The following WDFY4 variants were observed in gnomAD, a reference collection of about 807,000 sequenced individuals.
WDFY4 encodes WD repeat- and FYVE domain-containing protein 4.
A neutral mutation model predicts 351.9 loss-of-function variants in WDFY4; 169 were observed. The observed-to-expected ratio is 0.48, with a 90% CI of 0.42 to 0.55. The LOEUF is 0.55. Among genes scored for constraint, WDFY4 ranks in the 20% least tolerant of loss-of-function variants. WDFY4 has a pLI of 0.00. For missense variants in WDFY4, 3,803 were observed against 3,935.6 expected, an observed-to-expected ratio of 0.97 and a Z score of 0.90; for synonymous variants, 1,622 against 1,574.6, an observed-to-expected ratio of 1.03 and a Z score of -0.71.
At chr10:48,935,607 T>C (rs753039044) in intron 47 of WDFY4, among the ~76,000 whole-genome samples, 2 of 152,270 alleles carry the variant, frequency 1.3e-5, no homozygotes, top group African/African-American at 4.8e-5. Context: ...CTTTGGTTTT[T>C]GAGAGGGCTG....
Position 48,782,466 on chromosome 10 carries a change from A to G in WDFY4, c.3576+2347A>G, listed in dbSNP as rs1172464623. On this transcript the variant is annotated intron_variant, in intron 19 of 61. Coordinates refer to ENST00000325239, the MANE Select transcript of WDFY4 (RefSeq NM_001394531.1). ...TGCTAGTGTGGTTGGGTGAAGTGGT[A>G]CAGGCATTAACATCCTCCCTGCGGG... Among the ~76,000 whole-genome samples the G allele has an allele frequency of 2.0e-5, 3 of 152,216 alleles. No individual in the cohort carries two copies. The East Asian group carries it at 5.8e-4, about 29-fold the overall frequency.
intron 50 of WDFY4, among the ~76,000 whole-genome samples, 171 bp from the exon 51 acceptor site, chr10:48,946,689 C>T (rs1396117944): frequency 5.3e-5 from 8 of 152,232 alleles, no homozygotes; most frequent in South Asian, 4.1e-4. Context: ...GCCACATTCA[C>T]GTGCCGTCTG....
At chr10:48,907,905 G>C (rs1300385268) in intron 47 of WDFY4, among the ~76,000 whole-genome samples, 1 of 152,228 alleles carries the variant, frequency 6.6e-6, no homozygotes, top group African/African-American at 2.4e-5. Flanking sequence ...GAGTCACTGG[G>C]ACCAGAGGCG....
chr10:48,971,934 C>A (rs1411924899), intron 57 of WDFY4, among the ~76,000 whole-genome samples: 1 of 152,162 alleles, frequency 6.6e-6, no homozygotes, highest in East Asian at 1.9e-4. Flanking sequence ...ACAGCTTGCC[C>A]TGGGGACTGT....
intron 1 of WDFY4, among the ~76,000 whole-genome samples, chr10:48,694,800 G>A (rs10458720): frequency 0.24 from 36,154 of 151,924 alleles, 5,698 homozygotes; most frequent in East Asian, 0.64. Context: ...TTACTGCCAG[G>A]GTCCATCCTT....
At chr10:48,756,890 G>A (rs2065354046) in intron 12 of WDFY4, among the ~76,000 whole-genome samples, 2 of 152,170 alleles carry the variant, frequency 1.3e-5, no homozygotes, top group Admixed American at 1.3e-4. Context: ...ATACTGAAAT[G>A]TAGTTTTTTT....
At chr10:48,864,948 C>T (rs183216163) in intron 39 of WDFY4, among the ~76,000 whole-genome samples, 9 of 152,202 alleles carry the variant, frequency 5.9e-5, no homozygotes, top group South Asian at 4.2e-4. Flanking sequence ...ATTTATTGGT[C>T]CTAGCAGTTA....
Position 48,714,360 on chromosome 10 carries a change from A to T in WDFY4, c.234+4394A>T, listed in dbSNP as rs528842679. On this transcript the variant is annotated intron_variant, in intron 2 of 61. Transcript: ENST00000325239. ...AAAGAATGTCTCCCCCACACATAGG[A>T]TGTTTAGATTGCTGACTGTAGGATG... is the stretch of plus-strand genomic sequence containing the variant. Among the ~76,000 whole-genome samples the T allele has an allele frequency of 1.1e-4, 16 of 152,274 alleles. 1 individual carries two copies. In the South Asian group the frequency reaches 1.7e-3, roughly 16 times the overall value.
intron 47 of WDFY4, among the ~76,000 whole-genome samples, chr10:48,919,314 A>T (rs1838841990): frequency 6.6e-6 from 1 of 152,234 alleles, no homozygotes; most frequent in Non-Finnish European, 1.5e-5. Flanking sequence ...GATAAGATCA[A>T]CTAAAAACTA....
chr10:48,875,927 A>G (rs773203105), intron 42 of WDFY4, among the ~76,000 whole-genome samples: 1 of 152,224 alleles, frequency 6.6e-6, no homozygotes, highest in African/African-American at 2.4e-5. Context: ...CCCAAGCCCT[A>G]CAACTCTCAC....
intron 39 of WDFY4, among the ~76,000 whole-genome samples, chr10:48,855,922 C>G (rs980462020): frequency 6.6e-6 from 1 of 152,040 alleles, no homozygotes; most frequent in Non-Finnish European, 1.5e-5. Flanking sequence ...ATAGATTAAA[C>G]TTTATCATAG....
At chr10:48,836,451 G>A (rs926143239) in intron 39 of WDFY4, among the ~76,000 whole-genome samples, 8 of 152,184 alleles carry the variant, frequency 5.3e-5, no homozygotes, top group African/African-American at 1.4e-4. Flanking sequence ...GAAGAGGCTT[G>A]TAATTAAAGG....
chr10:48,946,991 T>C, intron 51 of WDFY4, 22 bp downstream of exon 51: 1 of 1,099,478 alleles, frequency 9.1e-7, no homozygotes, highest in Non-Finnish European at 1.3e-6. Context: ...CCACTCTCTG[T>C]ACACACACAC....
chr10:48,746,783 T>A (rs1276984644), intron 12 of WDFY4, among the ~76,000 whole-genome samples: 1 of 152,204 alleles, frequency 6.6e-6, no homozygotes, highest in East Asian at 1.9e-4. Context: ...AGTATCTTTA[T>A]CCTTCCAATT....
At position 48,943,438 on chromosome 10, in the gene WDFY4, T is replaced by C; in HGVS notation, c.7738T>C (p.Tyr2580His). Residue 2580 changes from tyrosine to histidine, a missense_variant, in exon 49 of 62, where the codon TAC becomes CAC. Around this residue, in one of 3 missense-constraint regions of WDFY4, gnomAD observed 3,054 missense variants for 3,148.6 expected, o/e 0.97. Transcript: ENST00000325239. ...YPVFPWVLADYTSETLNLANP... is the reference protein window; with the variant it reads ...YPVFPWVLADHTSETLNLANP... ...AGTGTTCCCCTGGGTCCTCGCAGAC[T>C]ACACCTCAGAGGTAAGTTCCTCACG... The C allele has an allele frequency of 1.9e-6, 3 of 1,551,908 alleles. No individual in the cohort carries two copies. Among genetic ancestry groups the C allele is most frequent in the Non-Finnish European group, 2.6e-6 (3 of 1,146,998 alleles).
At chr10:48,895,098 C>G (rs1837008135) in intron 44 of WDFY4, among the ~76,000 whole-genome samples, 1 of 152,200 alleles carries the variant, frequency 6.6e-6, no homozygotes. Flanking sequence ...AGTCTGCAAC[C>G]TCAAAGCCCA....
chr10:48,695,763 C>A (rs1042226671), intron 1 of WDFY4, among the ~76,000 whole-genome samples: 21 of 151,970 alleles, frequency 1.4e-4, no homozygotes, highest in African/African-American at 5.1e-4. Context: ...AGGTCTTTGT[C>A]CCCATCATGA....
intron 19 of WDFY4, among the ~76,000 whole-genome samples, chr10:48,781,507 G>A (rs963117307): frequency 6.6e-6 from 1 of 152,066 alleles, no homozygotes. Context: ...GGCTGGCCAG[G>A]CTGGTCTGAA....
At position 48,743,306 on chromosome 10, in the gene WDFY4, C is replaced by T. The variant is rs140101715; in HGVS notation, c.2217C>T (p.Ala739=). 58 of 1,551,688 alleles carry T rather than the reference C, an allele frequency of 3.7e-5. No homozygotes were observed. The African/African-American group carries it at 5.5e-4, about 15-fold the overall frequency. The part of the protein sequence containing the change: ...NLLRSWVDTK[A]RPFADLLGTA... ...TGCGCTCTTGGGTGGACACAAAGGC[C>T]AGGCCATTTGCAGATTTGCTGGGCA... The change falls in exon 12 of 62, where the codon GCC becomes GCT. Residue 739 remains alanine, a synonymous_variant. Transcript: ENST00000325239.
Sources: gnomAD v4.1 joint callset for allele counts (sites outside exome capture counted in the v4.1 genomes callset) on GRCh38, gnomAD v4.1.1 for gene constraint, gnomAD v4.1.1 regional missense constraint, MANE v1.5 for transcripts, NCBI Gene and HGNC (gene_info 2026-07-23, HGNC 2026-07-21) for gene names.